Variants in PPA2 observed in about 807,000 individuals in gnomAD.
PPA2 encodes the protein inorganic pyrophosphatase 2, mitochondrial.
Under a neutral mutation model 49.5 loss-of-function variants are expected in PPA2, and 48 were observed. That is an observed-to-expected ratio of 0.97 (90% CI 0.77 to 1.23). The LOEUF (loss-of-function observed/expected upper bound fraction) is 1.23, where lower values mean the gene tolerates loss of function less well. PPA2 is among the 50% of genes most tolerant of loss of function. The probability of loss-of-function intolerance (pLI) is 0.00; values close to 1 mark genes in which losing one functional copy is unlikely to be tolerated. For missense variants in PPA2, 429 were observed against 410.1 expected, an observed-to-expected ratio of 1.05 and a Z score of -0.40; for synonymous variants, 131 against 139.9, an observed-to-expected ratio of 0.94 and a Z score of 0.45.
intron 7 of PPA2, among the ~76,000 whole-genome samples, chr4:105,420,400 C>T (rs987211407): frequency 2.0e-5 from 3 of 152,074 alleles, no homozygotes; most frequent in Admixed American, 6.6e-5. Context: ...GCAACCATGC[C>T]GGCCAAGGAT....
intron 6 of PPA2, among the ~76,000 whole-genome samples, chr4:105,427,963 C>T (rs1723604666): frequency 6.6e-6 from 1 of 152,152 alleles, no homozygotes; most frequent in Non-Finnish European, 1.5e-5. Context: ...GGTCAGGTTA[C>T]CTACAAAGGG....
chr4:105,369,549 G>T lies in PPA2; in HGVS notation c.*176C>A. On this transcript the variant is annotated 3_prime_UTR_variant, in exon 12 of 12. Transcript: ENST00000341695. Reference sequence around the variant, plus strand: ...AAATCTTCTTTTTATATCAATAAATGTCCAAAGGAGAGTAATTTAAAATTC... The same window carrying T: ...AAATCTTCTTTTTATATCAATAAATTTCCAAAGGAGAGTAATTTAAAATTC... 1 of 604,452 alleles carries T rather than the reference G, an allele frequency of 1.7e-6. No homozygotes were observed. Among genetic ancestry groups the T allele is most frequent in the Non-Finnish European group, 2.9e-6 (1 of 348,778 alleles). 37.4% of individuals were successfully genotyped at this position (604,452 alleles called of 1,614,324 possible).
chr4:105,446,620 T>C, intron 4 of PPA2, 118 bp from the exon 5 acceptor site: 4 of 1,203,496 alleles, frequency 3.3e-6, no homozygotes, highest in Non-Finnish European at 3.4e-6. Flanking sequence ...TTCAACTTAA[T>C]GATCAAAGAT....
At position 105,387,605 on chromosome 4, in the gene PPA2, T is replaced by G. The variant is rs947379589; in HGVS notation, c.870-969A>C. Among the ~76,000 whole-genome samples the G allele has an allele frequency of 2.6e-5, 4 of 152,294 alleles. No homozygotes were observed. In the South Asian group the frequency reaches 8.3e-4, roughly 32 times the overall value. Reference sequence around the variant, plus strand: ...TAATAAGTGGTCATTTTGGTTTCTATCCAGACTCATAATGTGGGATTCATT... The same window carrying G: ...TAATAAGTGGTCATTTTGGTTTCTAGCCAGACTCATAATGTGGGATTCATT... On this transcript the variant is annotated intron_variant, in intron 9 of 11. Coordinates refer to ENST00000341695, the MANE Select transcript of PPA2 (RefSeq NM_176869.3).
intron 11 of PPA2, among the ~76,000 whole-genome samples, chr4:105,370,394 A>AAAT (rs1417426618): frequency 6.6e-6 from 1 of 152,114 alleles, no homozygotes; most frequent in Non-Finnish European, 1.5e-5. Flanking sequence ...TTACTTGTTT[A>AAAT]TTAAAACAGC....
intron 2 of PPA2, 115 bp downstream of exon 2, chr4:105,456,564 CCT>C: frequency 1.3e-6 from 1 of 758,120 alleles, no homozygotes; most frequent in Non-Finnish European, 2.2e-6. Context: ...TATAGTAACT[CCT>C]GTTTGTCCTC....
At chr4:105,378,258 T>C (rs1311425616) in intron 10 of PPA2, among the ~76,000 whole-genome samples, 5 of 152,188 alleles carry the variant, frequency 3.3e-5, no homozygotes, top group South Asian at 2.1e-4. Flanking sequence ...TGTATTAGCA[T>C]GTACTGTGGT....
At chr4:105,388,681 C>A (rs1733776764) in intron 9 of PPA2, among the ~76,000 whole-genome samples, 1 of 151,886 alleles carries the variant, frequency 6.6e-6, no homozygotes, top group Admixed American at 6.6e-5. Context: ...AAAAATTAGC[C>A]AGGCATGGTG....
chr4:105,374,344 T>C (rs1733150878), intron 10 of PPA2, among the ~76,000 whole-genome samples: 1 of 152,206 alleles, frequency 6.6e-6, no homozygotes, highest in African/African-American at 2.4e-5. Flanking sequence ...TAGATCCACT[T>C]GAGCTCAGGA....
intron 9 of PPA2, 32 bp from the exon 10 acceptor site, chr4:105,386,668 C>T (rs1021784815): frequency 3.0e-5 from 48 of 1,589,068 alleles, no homozygotes; most frequent in Non-Finnish European, 4.0e-5. Context: ...TATTATTAAA[C>T]AGGATAAAAA....
intron 10 of PPA2, among the ~76,000 whole-genome samples, chr4:105,377,448 A>G (rs1733303056): frequency 6.6e-6 from 1 of 152,198 alleles, no homozygotes; most frequent in African/African-American, 2.4e-5. Context: ...AAAGATGTAA[A>G]TAAATTAAAA....
chr4:105,382,611 C>T (rs1733531400), intron 10 of PPA2, among the ~76,000 whole-genome samples: 2 of 152,180 alleles, frequency 1.3e-5, no homozygotes, highest in Admixed American at 1.3e-4. Context: ...AAAGATCCAA[C>T]TGTTAGTCAC....
intron 7 of PPA2, among the ~76,000 whole-genome samples, chr4:105,408,266 C>G (rs1425095195): frequency 6.6e-6 from 1 of 152,040 alleles, no homozygotes; most frequent in Non-Finnish European, 1.5e-5. Flanking sequence ...GCAAAACTAC[C>G]TGGTATATAT....
At position 105,424,242 on chromosome 4, in the gene PPA2, T is replaced by C; in HGVS notation, c.609A>G (p.Lys203=). 6.2e-7 allele frequency: 1 copy of C among 1,610,516 alleles called. No homozygotes were observed. The highest frequency in any genetic ancestry group is 8.5e-7 in the Non-Finnish European group (1 of 1,179,146). The change falls in exon 7 of 12, where the codon AAA becomes AAG. Residue 203 remains lysine (K), a synonymous_variant. Coordinates refer to ENST00000341695, the MANE Select transcript of PPA2 (RefSeq NM_176869.3). ...GATCATTCGCATTGATAGCAATTAA[T>C]TTCCAATCTGTTTCACCTTCATCAA... ...ALIDEGETDW[K]LIAINANDPE...
chr4:105,404,301 A>G (rs986945409), intron 7 of PPA2, among the ~76,000 whole-genome samples: 1 of 151,994 alleles, frequency 6.6e-6, no homozygotes, highest in African/African-American at 2.4e-5. Context: ...ACTCTTGCCT[A>G]CTGAAAAAGA....
chr4:105,443,650 C>G (rs1232710968), intron 5 of PPA2, among the ~76,000 whole-genome samples: 2 of 150,854 alleles, frequency 1.3e-5, no homozygotes, highest in East Asian at 3.9e-4. Flanking sequence ...CTCTCTCTCT[C>G]TTTTTCTCTC....
chr4:105,389,690 C>T (rs1733829386), intron 9 of PPA2, among the ~76,000 whole-genome samples: 1 of 151,946 alleles, frequency 6.6e-6, no homozygotes, highest in Admixed American at 6.6e-5. Context: ...TGAAGGGAAA[C>T]CATTTTCTTC....
rs1722535896 is a variant in PPA2 at position 105,407,463 on chromosome 4, T to C, written c.656-8299A>G. Among the ~76,000 whole-genome samples, 3 of 152,280 alleles carry C rather than the reference T, an allele frequency of 2.0e-5. No individual in the cohort carries two copies. In the South Asian group the frequency reaches 6.2e-4, roughly 32 times the overall value. On this transcript the variant is annotated intron_variant, in intron 7 of 11. Transcript: ENST00000341695. Reference sequence around the variant, plus strand: ...TACAATGTTAAACATATAATTACCATCTTACTCAGCAAAACTATTCCTGAG... The same window carrying C: ...TACAATGTTAAACATATAATTACCACCTTACTCAGCAAAACTATTCCTGAG...
chr4:105,452,343 C>T (rs1274795842), intron 3 of PPA2, among the ~76,000 whole-genome samples: 1 of 152,160 alleles, frequency 6.6e-6, no homozygotes, highest in East Asian at 1.9e-4. Context: ...TACACTAAGT[C>T]CCCTGGGGAT....
Sources: gnomAD v4.1 joint callset for allele counts (sites outside exome capture counted in the v4.1 genomes callset) on GRCh38, gnomAD v4.1.1 for gene constraint, MANE v1.5 for transcripts, NCBI Gene and HGNC (gene_info 2026-07-23, HGNC 2026-07-21) for gene names.